JAZF1: variants seen among roughly 807,000 people sequenced by gnomAD.
The protein encoded by JAZF1 is JAZF zinc finger 1, also known as juxtaposed with another zinc finger protein 1.
A neutral mutation model predicts 26.4 loss-of-function variants in JAZF1; 8 were observed. The observed-to-expected ratio is 0.30, with a 90% CI of 0.18 to 0.55. The LOEUF is 0.55. Among genes scored for constraint, JAZF1 ranks in the 20% least tolerant of loss-of-function variants. The pLI is 0.94. For missense variants in JAZF1, 199 were observed against 322.0 expected (o/e 0.62, Z 2.92); for synonymous variants, 126 against 122.3 (o/e 1.03, Z -0.20).
intron 1 of JAZF1, among the ~76,000 whole-genome samples, chr7:28,107,797 GA>G: frequency 6.6e-6 from 1 of 152,222 alleles, no homozygotes. Context: ...TACTGCCAGA[GA>G]ATGCATACGG....
chr7:27,988,539 C>T (rs1397622349), intron 2 of JAZF1, among the ~76,000 whole-genome samples: 1 of 151,986 alleles, frequency 6.6e-6, no homozygotes, highest in South Asian at 2.1e-4. Context: ...CCAAACCTGG[C>T]CAAAACTTTT....
At chr7:28,080,345 C>A (rs1372588061) in intron 1 of JAZF1, among the ~76,000 whole-genome samples, 1 of 152,222 alleles carries the variant, frequency 6.6e-6, no homozygotes, top group African/African-American at 2.4e-5. Flanking sequence ...CCATCCAGAA[C>A]ACTCAGACTT....
intron 1 of JAZF1, among the ~76,000 whole-genome samples, chr7:28,109,395 AAAT>A (rs1167306173): frequency 6.6e-6 from 1 of 152,230 alleles, no homozygotes; most frequent in East Asian, 1.9e-4. Context: ...AAATTTAAAA[AAAT>A]AATAATTTAA....
Position 27,835,945 on chromosome 7 carries a change from C to T in JAZF1, c.556-2969G>A, listed in dbSNP as rs1379368351. On this transcript the variant is annotated intron_variant, in intron 4 of 4. Coordinates refer to ENST00000283928, the MANE Select transcript of JAZF1 (RefSeq NM_175061.4). The stretch of plus-strand genomic sequence containing the variant: ...GAAAGTTGCTAACATTTATTAAGAG[C>T]TTACCATACTGGGTACTTGATGTCA... 2.0e-5 allele frequency among the ~76,000 whole-genome samples: 3 copies of T among 152,304 alleles called. No homozygotes were observed. In the South Asian group the frequency reaches 6.2e-4, roughly 32 times the overall value.
At chr7:27,963,009 T>C (rs1583482756) in intron 2 of JAZF1, among the ~76,000 whole-genome samples, 1 of 152,220 alleles carries the variant, frequency 6.6e-6, no homozygotes, top group East Asian at 1.9e-4. Flanking sequence ...AGCATTCACC[T>C]GTTTAATAAA....
At chr7:28,089,757 A>G (rs907431566) in intron 1 of JAZF1, among the ~76,000 whole-genome samples, 3 of 152,252 alleles carry the variant, frequency 2.0e-5, no homozygotes, top group African/African-American at 7.2e-5. Context: ...AGAAAAGTAA[A>G]TTCTTGTTAT....
At chr7:28,056,070 C>T (rs961431479) in intron 1 of JAZF1, among the ~76,000 whole-genome samples, 2 of 152,056 alleles carry the variant, frequency 1.3e-5, no homozygotes, top group Non-Finnish European at 2.9e-5. Flanking sequence ...GTGTCTTACC[C>T]ACCACAGTAT....
At chr7:28,114,289 G>A (rs1269159437) in intron 1 of JAZF1, among the ~76,000 whole-genome samples, 2 of 152,110 alleles carry the variant, frequency 1.3e-5, no homozygotes, top group Admixed American at 6.5e-5. Flanking sequence ...CACCTGGCCA[G>A]CCTGGAGAAT....
intron 2 of JAZF1, among the ~76,000 whole-genome samples, chr7:27,897,626 C>A (rs1784091868): frequency 6.6e-6 from 1 of 152,220 alleles, no homozygotes; most frequent in Non-Finnish European, 1.5e-5. Context: ...TGATAGGAAG[C>A]CAAGAATCCT....
intron 1 of JAZF1, among the ~76,000 whole-genome samples, chr7:28,126,126 G>A (rs1049805347): frequency 1.3e-5 from 2 of 152,194 alleles, no homozygotes; most frequent in Admixed American, 6.5e-5. Context: ...GGGGTGGGAA[G>A]GATGTAGCCC....
In JAZF1 at chr7:28,110,375, G is replaced by C. The variant is rs182758818; in HGVS notation, c.115+70088C>G. ...TGGGAGGCAGAGGTTGTAGTGAGCC[G>C]AGATCACGCCATTGCACTCCAGCCT... is the stretch of plus-strand genomic sequence containing the variant. On this transcript the variant is annotated intron_variant, in intron 1 of 4. Transcript: ENST00000283928. Among the ~76,000 whole-genome samples the C allele has an allele frequency of 1.0e-4, 15 of 150,644 alleles. No homozygotes were observed. In the South Asian group the frequency reaches 2.8e-3, roughly 28 times the overall value.
At chr7:28,006,520 T>G (rs992112800) in intron 1 of JAZF1, among the ~76,000 whole-genome samples, 2 of 152,220 alleles carry the variant, frequency 1.3e-5, no homozygotes, top group Non-Finnish European at 2.9e-5. Flanking sequence ...CAATAATAAC[T>G]GATAATAAAG....
intron 1 of JAZF1, among the ~76,000 whole-genome samples, chr7:28,075,539 C>G (rs1784037341): frequency 6.6e-6 from 1 of 152,188 alleles, no homozygotes; most frequent in Non-Finnish European, 1.5e-5. Context: ...TCCAAACCTT[C>G]TCTGTCTACC....
chr7:28,180,761 C>A lies in JAZF1; in HGVS notation c.-184G>T. ...AGAGAGATGGAAGGAGAGCGAGGAGCCACCGGGAGGCAGAGGGGAGGCGGC... is the reference window on the plus strand; with the variant it reads ...AGAGAGATGGAAGGAGAGCGAGGAGACACCGGGAGGCAGAGGGGAGGCGGC... On this transcript the variant is annotated 5_prime_UTR_variant, in exon 1 of 5. Coordinates refer to ENST00000283928, the MANE Select transcript of JAZF1 (RefSeq NM_175061.4). The A allele has an allele frequency of 3.5e-6, 1 of 282,718 alleles. No individual in the cohort carries two copies. Among genetic ancestry groups the A allele is most frequent in the Non-Finnish European group, 6.6e-6 (1 of 151,386 alleles). 17.5% of individuals were successfully genotyped at this position (282,718 alleles called of 1,614,324 possible).
intron 1 of JAZF1, among the ~76,000 whole-genome samples, chr7:28,083,537 G>T (rs147579610): frequency 2.0e-4 from 30 of 152,264 alleles, no homozygotes; most frequent in African/African-American, 7.2e-4. Context: ...AAAGCTGTAA[G>T]AGCACGACCA....
chr7:28,076,755 A>G (rs971421633), intron 1 of JAZF1, among the ~76,000 whole-genome samples: 4 of 152,012 alleles, frequency 2.6e-5, no homozygotes, highest in Admixed American at 2.6e-4. Flanking sequence ...GAGTAAGTTA[A>G]TAATTCCTTA....
rs184522609 is a variant in JAZF1, at chr7:28,037,183, C to T, written c.116-45202G>A. Reference sequence around the variant, plus strand: ...AGCAGCAAGACTAGATGTACTCAAACACAATAAATATTATGTTTTCTTGCA... The same window carrying T: ...AGCAGCAAGACTAGATGTACTCAAATACAATAAATATTATGTTTTCTTGCA... On this transcript the variant is annotated intron_variant, in intron 1 of 4. Transcript: ENST00000283928. Among the ~76,000 whole-genome samples, 109 of 152,296 alleles carry T rather than the reference C, an allele frequency of 7.2e-4. No homozygotes were observed. The Middle Eastern group carries it at 0.014, about 19-fold the overall frequency.
chr7:27,935,445 G>C (rs951488666), intron 2 of JAZF1, among the ~76,000 whole-genome samples: 4 of 152,218 alleles, frequency 2.6e-5, no homozygotes, highest in South Asian at 4.1e-4. Context: ...AAAGCAGCCA[G>C]ACACTTTAGG....
At chr7:28,172,606 ACTGAATC>A (rs1783487454) in intron 1 of JAZF1, among the ~76,000 whole-genome samples, 1 of 152,230 alleles carries the variant, frequency 6.6e-6, no homozygotes, top group Non-Finnish European at 1.5e-5. Flanking sequence ...TTAGATAAGA[ACTGAATC>A]CTCCACGTAG....
Sources: gnomAD v4.1 joint callset for allele counts (sites outside exome capture counted in the v4.1 genomes callset) on GRCh38, gnomAD v4.1.1 for gene constraint, MANE v1.5 for transcripts, NCBI Gene and HGNC (gene_info 2026-07-23, HGNC 2026-07-21) for gene names.